The following NCOR2 variants were observed in gnomAD, a reference collection of about 807,000 sequenced individuals.
NCOR2 encodes nuclear receptor corepressor 2.
In NCOR2, 81 loss-of-function variants were observed where a neutral mutation model predicts 262.9. That is an observed-to-expected ratio of 0.31 (90% CI 0.26 to 0.37). The LOEUF is 0.37. Among genes scored for constraint, NCOR2 ranks in the 10% least tolerant of loss-of-function variants. The probability of loss-of-function intolerance (pLI) is 1.00; values close to 1 mark genes in which losing one functional copy is unlikely to be tolerated. For missense variants in NCOR2, 3,385 were observed against 3,621.4 expected, an observed-to-expected ratio of 0.93 and a Z score of 1.68; for synonymous variants, 1,659 against 1,559.3, an observed-to-expected ratio of 1.06 and a Z score of -1.51.
At position 124,378,414 on chromosome 12, in the gene NCOR2, C is replaced by A; in HGVS notation, c.2020-30G>T. On this transcript the variant is annotated intron_variant, in intron 17 of 46. Transcript: ENST00000405201. The surrounding 1 kb of genome is among the most constrained non-coding windows in gnomAD (Gnocchi z 4.2). The stretch of plus-strand genomic sequence containing the variant: ...GGCACAGGGAAGCAGCAGATCAGGA[C>A]TGGGGCCTGGGCTGTCAGCTCGGGG... 6.3e-7 allele frequency: 1 copy of A among 1,591,634 alleles called. No individual in the cohort carries two copies. Among genetic ancestry groups the A allele is most frequent in the South Asian group, 1.1e-5 (1 of 88,406 alleles).
chr12:124,356,683 G>T (rs775451734), exon 23 of NCOR2: 1 of 1,472,980 alleles, frequency 6.8e-7, no homozygotes, highest in South Asian at 1.4e-5. Context: ...CGGGGCATGC[G>T]GGGAGGCCTT....
At chr12:124,451,588 CCT>C (rs1484526116) in intron 6 of NCOR2, among the ~76,000 whole-genome samples, 3 of 139,284 alleles carry the variant, frequency 2.2e-5, no homozygotes, top group Non-Finnish European at 4.8e-5. Context: ...TGTCTGTCTC[CCT>C]CTCTTCCTGT....
Position 124,549,677 on chromosome 12 carries a change from G to C in NCOR2, c.-164-14066C>G, listed in dbSNP as rs1161112307. ...ATGCTATTACGAACACCCTTCTCCA[G>C]ATGGGGAAACCGAGGCCCAGAAAGA... On this transcript the variant is annotated intron_variant, in intron 1 of 32. Transcript: ENST00000458234. This position sits in a 1 kb window ranked among gnomAD's most constrained non-coding sequence, Gnocchi z 4.4. Among the ~76,000 whole-genome samples, 2 of 152,158 alleles carry C rather than the reference G, an allele frequency of 1.3e-5. No individual in the cohort carries two copies. Among genetic ancestry groups the C allele is most frequent in the Non-Finnish European group, 2.9e-5 (2 of 68,024 alleles).
chr12:124,354,344 G>A lies in NCOR2; in HGVS notation c.3589+134C>T, dbSNP rs147946874. 251 of 1,147,342 alleles carry A rather than the reference G, an allele frequency of 2.2e-4. 1 individual carries two copies. In the African/African-American group the frequency reaches 3.5e-3, roughly 16 times the overall value. 71.1% of individuals were successfully genotyped at this position (1,147,342 alleles called of 1,614,324 possible). On this transcript the variant is annotated intron_variant, in intron 26 of 46. Coordinates refer to ENST00000405201, the Ensembl canonical transcript of NCOR2. ...GAGTCCCCCTACCCCTAAATGGTGA[G>A]GGAGACAGCTGTGAAGAGGGGCCCC...
At chr12:124,391,749 C>G (rs919512254) in intron 16 of NCOR2, among the ~76,000 whole-genome samples, 8 of 152,220 alleles carry the variant, frequency 5.3e-5, no homozygotes, top group Non-Finnish European at 8.8e-5. Context: ...ATCATAGGTA[C>G]GATGTGAAAA....
At chr12:124,408,035 G>A (rs1362882544) in intron 13 of NCOR2, among the ~76,000 whole-genome samples, 7 of 152,238 alleles carry the variant, frequency 4.6e-5, no homozygotes, top group South Asian at 2.1e-4. Flanking sequence ...ATCTCAGTGC[G>A]TTTAAGGGTT....
At chr12:124,458,366 G>A (rs962541504) in intron 5 of NCOR2, among the ~76,000 whole-genome samples, 10 of 152,162 alleles carry the variant, frequency 6.6e-5, no homozygotes, top group African/African-American at 1.9e-4. Context: ...CCCAGCCCCC[G>A]GAGAAAGACA....
rs146462664 is a variant in NCOR2, at chr12:124,553,815, T to C, written c.-165+13493A>G. ...CTTCCTCACGTCCCTGCATGCCAGG[T>C]TGCAGAAGGCTTTGCAGGGTAGAGC... is the stretch of plus-strand genomic sequence containing the variant. On this transcript the variant is annotated intron_variant, in intron 1 of 32. Transcript: ENST00000458234. Among the ~76,000 whole-genome samples, 1,174 of 152,324 alleles carry C rather than the reference T, an allele frequency of 7.7e-3. 7 individuals carry two copies. Among genetic ancestry groups the C allele is most frequent in the Non-Finnish European group, 0.011 (757 of 68,032 alleles).
intron 1 of NCOR2, among the ~76,000 whole-genome samples, chr12:124,525,030 G>A (rs550165990): frequency 2.0e-5 from 3 of 152,310 alleles, no homozygotes; most frequent in Admixed American, 1.3e-4. Flanking sequence ...AAGAACAAAA[G>A]GGAAAGGCAA....
intron 15 of NCOR2, among the ~76,000 whole-genome samples, chr12:124,398,534 T>C (rs2041819084): frequency 6.6e-6 from 1 of 152,238 alleles, no homozygotes; most frequent in Non-Finnish European, 1.5e-5. Flanking sequence ...TGACTGCCTC[T>C]GCCTGCACTC....
At chr12:124,480,568 G>A (rs991557969) in intron 3 of NCOR2, among the ~76,000 whole-genome samples, 1 of 152,110 alleles carries the variant, frequency 6.6e-6, no homozygotes, top group Non-Finnish European at 1.5e-5. Flanking sequence ...CTTAATCTGT[G>A]CACATCCTCA....
At position 124,566,369 on chromosome 12, in the gene NCOR2, C is replaced by T. The variant is rs1278836306; in HGVS notation, c.-165+939G>A. 6.6e-6 allele frequency among the ~76,000 whole-genome samples: 1 copy of T among 152,182 alleles called. No homozygotes were observed. Among genetic ancestry groups the T allele is most frequent in the Non-Finnish European group, 1.5e-5 (1 of 68,034 alleles). On this transcript the variant is annotated intron_variant, in intron 1 of 32. Transcript: ENST00000458234. The surrounding 1 kb of genome is among the most constrained non-coding windows in gnomAD (Gnocchi z 4.3). ...TAAACCTACAATGTAAAAATAACGCCGGGCGCCCCACGCTAATTGGGCCCG... is the reference window on the plus strand; with the variant it reads ...TAAACCTACAATGTAAAAATAACGCTGGGCGCCCCACGCTAATTGGGCCCG...
At chr12:124,334,694 C>T (rs939100166) in intron 40 of NCOR2, 77 bp from the exon 43 acceptor site, 25 of 750,546 alleles carry the variant, frequency 3.3e-5, no homozygotes, top group Middle Eastern at 3.5e-4. Flanking sequence ...AGGGGCTAGA[C>T]GGAGCTCGGG....
exon 46 of NCOR2, chr12:124,326,216 C>T (rs756437416): frequency 3.6e-5 from 55 of 1,537,768 alleles, no homozygotes; most frequent in Non-Finnish European, 4.1e-5. Flanking sequence ...TGTCCTCCCA[C>T]ACGCGGTTGG....
intron 5 of NCOR2, among the ~76,000 whole-genome samples, chr12:124,458,365 C>T (rs540852700): frequency 2.0e-5 from 3 of 152,326 alleles, no homozygotes; most frequent in East Asian, 1.9e-4. Context: ...CCCCAGCCCC[C>T]GGAGAAAGAC....
intron 1 of NCOR2, among the ~76,000 whole-genome samples, chr12:124,494,146 C>T (rs2048246914): frequency 6.6e-6 from 1 of 152,226 alleles, no homozygotes; most frequent in South Asian, 2.1e-4. Flanking sequence ...CTTCTGCTCA[C>T]TGATGGAAAC....
intron 20 of NCOR2, among the ~76,000 whole-genome samples, chr12:124,370,885 G>A (rs1329046916): frequency 1.3e-5 from 2 of 152,158 alleles, no homozygotes; most frequent in Admixed American, 1.3e-4. Context: ...GGGAACCTCT[G>A]CACCTGTGAT....
Position 124,432,812 on chromosome 12 carries a change from T to C in NCOR2, c.883-2025A>G, listed in dbSNP as rs2044044375. ...AGAGATCCCCAATCAGCCCAGAGCA[T>C]AGCTGCCTGGCTTCCACATCTCCAA... On this transcript the variant is annotated intron_variant, in intron 8 of 46. Coordinates refer to ENST00000405201, the Ensembl canonical transcript of NCOR2. This position sits in a 1 kb window ranked among gnomAD's most constrained non-coding sequence, Gnocchi z 5.1. Among the ~76,000 whole-genome samples, 2 of 136,358 alleles carry C rather than the reference T, an allele frequency of 1.5e-5. No homozygotes were observed. Among genetic ancestry groups the C allele is most frequent in the Non-Finnish European group, 3.1e-5 (2 of 65,140 alleles). The allele number at this position is 136,358 out of a possible 152,430, so 89.5% of individuals were successfully genotyped here.
At chr12:124,564,071 T>A (rs1329557024) in intron 1 of NCOR2, among the ~76,000 whole-genome samples, 1 of 152,222 alleles carries the variant, frequency 6.6e-6, no homozygotes, top group Non-Finnish European at 1.5e-5. Flanking sequence ...AACAAGCAGA[T>A]TTGCGTAGAG....
Sources: gnomAD v4.1 joint callset for allele counts (sites outside exome capture counted in the v4.1 genomes callset) on GRCh38, gnomAD v4.1.1 for gene constraint, Gnocchi (gnomAD v3.1) non-coding constraint, MANE v1.5 for transcripts, NCBI Gene and HGNC (gene_info 2026-07-23, HGNC 2026-07-21) for gene names.